The following RBFOX1 variants were observed in gnomAD, a reference collection of about 807,000 sequenced individuals.
The protein encoded by RBFOX1 is RNA binding fox-1 homolog 1, also known as RNA binding protein fox-1 homolog 1.
In RBFOX1, 8 loss-of-function variants were observed where a neutral mutation model predicts 57.7. That is an observed-to-expected ratio of 0.14 (90% CI 0.08 to 0.25). The LOEUF is 0.25. Among genes scored for constraint, RBFOX1 ranks in the 10% least tolerant of loss-of-function variants. The pLI is 1.00. For synonymous variants in RBFOX1, 326 were observed against 222.4 expected, an observed-to-expected ratio of 1.47 and a Z score of -4.15; for missense variants, 611 against 548.5, an observed-to-expected ratio of 1.11 and a Z score of -1.14.
intron 4 of RBFOX1, among the ~76,000 whole-genome samples, chr16:7,262,153 G>A (rs2094942528): frequency 6.6e-6 from 1 of 152,026 alleles, no homozygotes. Flanking sequence ...GGTAAATATA[G>A]TTATATATCT....
At chr16:7,124,463 G>A (rs959180851) in intron 4 of RBFOX1, among the ~76,000 whole-genome samples, 14 of 151,576 alleles carry the variant, frequency 9.2e-5, no homozygotes, top group Non-Finnish European at 1.9e-4. Context: ...AATATGTACT[G>A]TACACTTCTG....
intron 1 of RBFOX1, among the ~76,000 whole-genome samples, chr16:6,270,643 C>G (rs1015726267): frequency 2.6e-5 from 4 of 152,016 alleles, no homozygotes; most frequent in Non-Finnish European, 5.9e-5. Flanking sequence ...TAGTCAGAGG[C>G]TAAACACTAT....
intron 4 of RBFOX1, among the ~76,000 whole-genome samples, chr16:7,256,156 C>G (rs1446908289): frequency 6.6e-6 from 1 of 152,180 alleles, no homozygotes; most frequent in African/African-American, 2.4e-5. Flanking sequence ...GAATGTAAAT[C>G]CGTGACCTAT....
chr16:7,446,155 G>A (rs1454947960), intron 4 of RBFOX1, among the ~76,000 whole-genome samples: 1 of 152,224 alleles, frequency 6.6e-6, no homozygotes, highest in African/African-American at 2.4e-5. Flanking sequence ...GAAGGAAAGA[G>A]CATTGTCATT....
intron 1 of RBFOX1, among the ~76,000 whole-genome samples, chr16:6,290,074 C>G (rs540668778): frequency 6.6e-6 from 1 of 151,918 alleles, no homozygotes; most frequent in African/African-American, 2.4e-5. Flanking sequence ...AAAATTGTGA[C>G]CACAGCATTT....
At chr16:6,634,335 A>G (rs1436237618) in intron 2 of RBFOX1, among the ~76,000 whole-genome samples, 3 of 152,102 alleles carry the variant, frequency 2.0e-5, no homozygotes, top group Non-Finnish European at 4.4e-5. Context: ...AATAAGGTTC[A>G]TGTCCCAGAT....
chr16:7,167,251 G>T (rs2079759853), intron 4 of RBFOX1, among the ~76,000 whole-genome samples: 1 of 151,828 alleles, frequency 6.6e-6, no homozygotes, highest in Admixed American at 6.6e-5. Context: ...CTACCAAAGT[G>T]CTGGGATTAC....
intron 4 of RBFOX1, among the ~76,000 whole-genome samples, chr16:5,879,298 G>T (rs1029287153): frequency 1.3e-5 from 2 of 152,212 alleles, no homozygotes; most frequent in Non-Finnish European, 2.9e-5. Context: ...AAGCTGGAGG[G>T]AGAAACTCCT....
At chr16:6,895,314 T>A (rs1014570854) in intron 3 of RBFOX1, among the ~76,000 whole-genome samples, 1 of 150,966 alleles carries the variant, frequency 6.6e-6, no homozygotes, top group Non-Finnish European at 1.5e-5. Flanking sequence ...ATAAAACTGG[T>A]TCCATTCATG....
chr16:6,795,153 G>T (rs1380388251), intron 3 of RBFOX1, among the ~76,000 whole-genome samples: 1 of 152,134 alleles, frequency 6.6e-6, no homozygotes, highest in Admixed American at 6.5e-5. Context: ...TTGATTCATA[G>T]TAAGGACCAG....
chr16:6,567,362 A>T (rs751885489), intron 2 of RBFOX1, among the ~76,000 whole-genome samples: 8 of 152,190 alleles, frequency 5.3e-5, no homozygotes, highest in South Asian at 2.1e-4. Context: ...GCTGAAGATT[A>T]TACAACTACT....
rs529302638 is a variant in RBFOX1 at position 6,346,278 on chromosome 16, T to A, written c.-64+29221T>A. On this transcript the variant is annotated intron_variant, in intron 2 of 15. Transcript: ENST00000550418. ...GAGAATAGAAGCGGCCAGAAGGTAC[T>A]GCTGTAGATAGTGTTGTTAAATTTA... Among the ~76,000 whole-genome samples the A allele has an allele frequency of 2.6e-5, 4 of 152,316 alleles. No individual in the cohort carries two copies. In the East Asian group the frequency reaches 7.7e-4, roughly 29 times the overall value.
chr16:6,754,092 T>C (rs981283642), intron 3 of RBFOX1, among the ~76,000 whole-genome samples: 2 of 152,184 alleles, frequency 1.3e-5, no homozygotes, highest in East Asian at 3.9e-4. Context: ...TAATTTTACC[T>C]AAGTATTTTG....
chr16:7,355,571 C>T (rs964289353), intron 4 of RBFOX1, among the ~76,000 whole-genome samples: 1 of 152,206 alleles, frequency 6.6e-6, no homozygotes, highest in African/African-American at 2.4e-5. Context: ...CATGATTTTG[C>T]TCATTGCTTT....
chr16:7,650,566 CCT>C (rs34381792), intron 11 of RBFOX1, among the ~76,000 whole-genome samples: 17,040 of 151,680 alleles, frequency 0.11, 1,081 homozygotes, highest in East Asian at 0.16. Context: ...CACGTGCTCC[CCT>C]CTCTCTCTCT....
At chr16:6,032,808 T>G (rs935839637) in intron 1 of RBFOX1, among the ~76,000 whole-genome samples, 1 of 151,868 alleles carries the variant, frequency 6.6e-6, no homozygotes. Flanking sequence ...TAAGGTAAAA[T>G]CCTCTAAATT....
chr16:7,227,276 A>ACC (rs2093187691), intron 4 of RBFOX1, among the ~76,000 whole-genome samples: 1 of 102,578 alleles, frequency 9.7e-6, no homozygotes, highest in Non-Finnish European at 2.5e-5. Context: ...CACATACCAC[A>ACC]CACACCCCAC....
At chr16:6,265,939 G>A (rs992003436) in intron 1 of RBFOX1, among the ~76,000 whole-genome samples, 2 of 152,016 alleles carry the variant, frequency 1.3e-5, no homozygotes, top group African/African-American at 4.8e-5. Context: ...CATCCTTCCT[G>A]GTATTGTGGG....
chr16:5,570,107 C>T (rs2046227391), intron 2 of RBFOX1, among the ~76,000 whole-genome samples: 1 of 152,186 alleles, frequency 6.6e-6, no homozygotes, highest in African/African-American at 2.4e-5. Context: ...CTGGGTGAGT[C>T]TTCCACACCT....
Sources: gnomAD v4.1 joint callset for allele counts (sites outside exome capture counted in the v4.1 genomes callset) on GRCh38, gnomAD v4.1.1 for gene constraint, MANE v1.5 for transcripts, NCBI Gene and HGNC (gene_info 2026-07-23, HGNC 2026-07-21) for gene names.